The following FSHR variants were observed in gnomAD, a reference collection of about 807,000 sequenced individuals.
FSHR encodes the protein follicle-stimulating hormone receptor.
In FSHR, 46 loss-of-function variants were observed where a neutral mutation model predicts 52.1. The ratio of observed to expected loss-of-function variants is 0.88; its 90% CI spans 0.70 to 1.13. FSHR has a LOEUF of 1.13. Ranked by LOEUF, FSHR falls within the 50% of genes most tolerant of loss-of-function variation. The probability of loss-of-function intolerance (pLI) is 0.00; values close to 1 mark genes in which losing one functional copy is unlikely to be tolerated. For synonymous variants in FSHR, 399 were observed against 309.6 expected (o/e 1.29, Z -3.03); for missense variants, 964 against 834.6 (o/e 1.16, Z -1.91).
intron 1 of FSHR, among the ~76,000 whole-genome samples, chr2:49,113,978 A>C (rs2103760563): frequency 6.6e-6 from 1 of 152,238 alleles, no homozygotes; most frequent in Admixed American, 6.5e-5. Context: ...AGGCTTAGAG[A>C]AGTGGCAGTT....
chr2:48,974,986 G>A (rs536863156), intron 8 of FSHR, among the ~76,000 whole-genome samples: 38 of 152,090 alleles, frequency 2.5e-4, no homozygotes, highest in Non-Finnish European at 4.1e-4. Context: ...ATACATGGGC[G>A]TGGGTGGGGG....
intron 2 of FSHR, among the ~76,000 whole-genome samples, chr2:49,060,221 C>A (rs1311102154): frequency 6.6e-6 from 1 of 152,026 alleles, no homozygotes; most frequent in South Asian, 2.1e-4. Context: ...AAAAAGGTAC[C>A]CTTACATATT....
At chr2:49,032,123 A>C (rs1447334108) in intron 2 of FSHR, among the ~76,000 whole-genome samples, 4 of 152,226 alleles carry the variant, frequency 2.6e-5, no homozygotes, top group Non-Finnish European at 5.9e-5. Flanking sequence ...AGTGGGAAAG[A>C]AACCCCATTC....
intron 1 of FSHR, among the ~76,000 whole-genome samples, chr2:49,128,594 A>G (rs893375883): frequency 1.3e-5 from 2 of 152,120 alleles, no homozygotes; most frequent in African/African-American, 2.4e-5. Context: ...TAACACTCAC[A>G]GATAACAACA....
At chr2:49,035,284 G>C (rs1482712075) in intron 2 of FSHR, among the ~76,000 whole-genome samples, 2 of 152,200 alleles carry the variant, frequency 1.3e-5, no homozygotes, top group East Asian at 3.9e-4. Flanking sequence ...CCATGAGCAT[G>C]GTTTTCTTAC....
chr2:49,114,685 A>C (rs1052129353), intron 1 of FSHR, among the ~76,000 whole-genome samples: 2 of 152,172 alleles, frequency 1.3e-5, no homozygotes, highest in East Asian at 3.9e-4. Flanking sequence ...AGACAATAGC[A>C]ACAATCACAG....
intron 1 of FSHR, among the ~76,000 whole-genome samples, chr2:49,130,535 T>A (rs12477795): frequency 0.24 from 36,995 of 152,162 alleles, 4,885 homozygotes; most frequent in East Asian, 0.47. Flanking sequence ...TCAACTCATC[T>A]ATTGAATTTA....
intron 1 of FSHR, among the ~76,000 whole-genome samples, chr2:49,104,905 C>T (rs1043889439): frequency 6.6e-6 from 1 of 152,110 alleles, no homozygotes; most frequent in South Asian, 2.1e-4. Flanking sequence ...GAGAGGAGAC[C>T]ACCCTTCTAA....
rs540304149 is a variant in FSHR at position 48,979,977 on chromosome 2, G to C, written c.668+2935C>G. On this transcript the variant is annotated intron_variant, in intron 8 of 9. Coordinates refer to ENST00000406846, the MANE Select transcript of FSHR (RefSeq NM_000145.4). The stretch of plus-strand genomic sequence containing the variant: ...GCTGGTCTACTGCACACCTACACAA[G>C]CACCTCTCAGGCCAGGGTTTAGATG... Among the ~76,000 whole-genome samples the C allele has an allele frequency of 8.5e-5, 13 of 152,324 alleles. No individual in the cohort carries two copies. In the South Asian group the frequency reaches 2.7e-3, roughly 32 times the overall value.
chr2:49,081,133 G>T (rs560025164), intron 1 of FSHR, among the ~76,000 whole-genome samples: 1 of 152,024 alleles, frequency 6.6e-6, no homozygotes, highest in African/African-American at 2.4e-5. Context: ...TTTCTCTTGG[G>T]TTCTGTGAGT....
chr2:49,088,667 G>A (rs1670488935), intron 1 of FSHR, among the ~76,000 whole-genome samples: 1 of 152,222 alleles, frequency 6.6e-6, no homozygotes, highest in East Asian at 1.9e-4. Context: ...ACAATATTTA[G>A]CTCAAGATGC....
chr2:49,065,612 T>C (rs1026708970), intron 2 of FSHR, among the ~76,000 whole-genome samples: 1 of 152,122 alleles, frequency 6.6e-6, no homozygotes, highest in Non-Finnish European at 1.5e-5. Context: ...TGCAGTTCAC[T>C]CAGATGTAGA....
At chr2:49,062,954 T>C (rs1225529240) in intron 2 of FSHR, among the ~76,000 whole-genome samples, 2 of 152,008 alleles carry the variant, frequency 1.3e-5, no homozygotes, top group East Asian at 3.9e-4. Context: ...GATGTAGAGA[T>C]AGGGGAACTC....
intron 4 of FSHR, among the ~76,000 whole-genome samples, chr2:48,998,846 T>C (rs1052418382): frequency 1.3e-5 from 2 of 152,060 alleles, no homozygotes; most frequent in Admixed American, 1.3e-4. Context: ...CAGGATTTTG[T>C]GCTATGTGAA....
Position 48,963,646 on chromosome 2 carries a change from T to C in FSHR, c.1175A>G (p.Tyr392Cys). 4.3e-6 allele frequency: 7 copies of C among 1,614,170 alleles called. No individual in the cohort carries two copies. The highest frequency in any genetic ancestry group is 5.9e-6 in the Non-Finnish European group (7 of 1,180,010). Residue 392 changes from tyrosine to cysteine, a missense_variant, in exon 10 of 10, where the codon TAT becomes TGT. Physicochemically the swap from Tyr to Cys is radical, Grantham distance 194. Transcript: ENST00000406846. ...AAGGAACCTGGGGACTGTGAGTTTA[T>C]ATTGGCTGGTAGTTAGGATCACTAG... ...IVLVILTTSQ[Y>C]KLTVPRFLMC...
intron 2 of FSHR, 74 bp from the exon 3 acceptor site, chr2:49,020,234 G>T: frequency 1.6e-6 from 2 of 1,235,196 alleles, no homozygotes; most frequent in Non-Finnish European, 2.4e-6. Flanking sequence ...TCAGCATAGA[G>T]CCTTGTGTCT....
chr2:48,992,751 C>T (rs1284835555), intron 4 of FSHR, among the ~76,000 whole-genome samples: 1 of 152,050 alleles, frequency 6.6e-6, no homozygotes, highest in African/African-American at 2.4e-5. Context: ...TTTCACTTAG[C>T]CTAACTCCCT....
At chr2:49,071,126 A>G (rs1245293071) in intron 1 of FSHR, among the ~76,000 whole-genome samples, 1 of 152,212 alleles carries the variant, frequency 6.6e-6, no homozygotes, top group Non-Finnish European at 1.5e-5. Flanking sequence ...CTAGAAAAGT[A>G]TAGAATATGG....
intron 8 of FSHR, among the ~76,000 whole-genome samples, chr2:48,970,166 T>G (rs956401876): frequency 2.6e-5 from 4 of 152,238 alleles, no homozygotes; most frequent in Non-Finnish European, 4.4e-5. Context: ...TTTCAAAGTC[T>G]TGCTTTCATT....
Sources: allele counts gnomAD v4.1 joint callset (sites outside exome capture counted in the v4.1 genomes callset), GRCh38; gene constraint gnomAD v4.1.1; transcripts MANE v1.5; gene names NCBI Gene and HGNC (gene_info 2026-07-23, HGNC 2026-07-21).